Variants in SRGAP2 observed in about 807,000 individuals in gnomAD.
SRGAP2 encodes SLIT-ROBO Rho GTPase activating protein 2.
Under a neutral mutation model 57.2 loss-of-function variants are expected in SRGAP2, and 15 were observed. The ratio of observed to expected loss-of-function variants is 0.26; its 90% CI spans 0.18 to 0.40. The LOEUF (loss-of-function observed/expected upper bound fraction) is 0.40, where lower values mean the gene tolerates loss of function less well. Among genes scored for constraint, SRGAP2 ranks in the 10% least tolerant of loss-of-function variants. The pLI is 1.00. For synonymous variants in SRGAP2, 249 were observed against 248.0 expected (o/e 1.00, Z -0.04); for missense variants, 520 against 669.6 (o/e 0.78, Z 2.47).
rs1252299272 is a variant in SRGAP2 at position 206,245,127 on chromosome 1, T to C, written c.67+39090T>C. On this transcript the variant is annotated intron_variant, in intron 2 of 22. Transcript: ENST00000573034. ...GAGAAAATAATGTGACCAGCTGTTG[T>C]CAGCTTCTCTGTGGAAGTGGTAACC... 1.2e-4 allele frequency among the ~76,000 whole-genome samples: 16 copies of C among 134,564 alleles called. 1 individual carries two copies. The highest frequency in any genetic ancestry group is 4.4e-4 in the African/African-American group (16 of 36,176). The allele number at this position is 134,564 out of a possible 152,430, so 88.3% of individuals were successfully genotyped here. A position where few individuals can be genotyped will look rare whatever the true frequency, so the allele number is the denominator to read the frequency against.
At chr1:206,254,405 G>T (rs1473106060) in intron 2 of SRGAP2, among the ~76,000 whole-genome samples, 1 of 145,134 alleles carries the variant, frequency 6.9e-6, no homozygotes, top group Non-Finnish European at 1.5e-5. Flanking sequence ...AGAATAATGA[G>T]TTAGTGACTA....
intron 2 of SRGAP2, among the ~76,000 whole-genome samples, chr1:206,231,846 T>C (rs1221027584): frequency 1.3e-5 from 2 of 152,076 alleles, no homozygotes; most frequent in Non-Finnish European, 2.9e-5. Flanking sequence ...CCTCGTTTCC[T>C]AATTTTAAAA....
At chr1:206,433,455 A>G (rs1179398107) in intron 14 of SRGAP2, among the ~76,000 whole-genome samples, 3 of 152,136 alleles carry the variant, frequency 2.0e-5, no homozygotes, top group Non-Finnish European at 4.4e-5. Flanking sequence ...CCTGGCCAAC[A>G]TGGCGAAACC....
At chr1:206,423,313 T>C (rs577330842) in intron 13 of SRGAP2, among the ~76,000 whole-genome samples, 2 of 152,240 alleles carry the variant, frequency 1.3e-5, no homozygotes, top group Non-Finnish European at 2.9e-5. Flanking sequence ...GATGTCTCTC[T>C]ATATTCTTTC....
chr1:206,228,821 C>T (rs1316921117), intron 2 of SRGAP2, among the ~76,000 whole-genome samples: 2 of 138,244 alleles, frequency 1.4e-5, no homozygotes, highest in African/African-American at 6.6e-5. Context: ...ATTCCATCAG[C>T]GCTTTAAAAA....
chr1:206,326,430 A>G (rs1673888958), intron 3 of SRGAP2, among the ~76,000 whole-genome samples: 1 of 152,058 alleles, frequency 6.6e-6, no homozygotes, highest in Non-Finnish European at 1.5e-5. Flanking sequence ...GGGTTCATGG[A>G]CCCTTGGTAT....
intron 3 of SRGAP2, among the ~76,000 whole-genome samples, chr1:206,306,277 C>T (rs1289349556): frequency 1.6e-4 from 24 of 151,902 alleles, no homozygotes; most frequent in African/African-American, 5.1e-4. Flanking sequence ...CAGATGTGTT[C>T]GGAGTTTCTT....
chr1:206,289,599 T>C (rs1671203477), intron 2 of SRGAP2, among the ~76,000 whole-genome samples: 1 of 149,206 alleles, frequency 6.7e-6, no homozygotes, highest in African/African-American at 2.5e-5. Context: ...TTTTTTGGTG[T>C]TTTGTTTTGT....
chr1:206,294,819 CA>C (rs1278663477), intron 2 of SRGAP2, among the ~76,000 whole-genome samples: 1 of 151,890 alleles, frequency 6.6e-6, no homozygotes, highest in Non-Finnish European at 1.5e-5. Context: ...CATCATGACA[CA>C]AACATTTACC....
intron 2 of SRGAP2, among the ~76,000 whole-genome samples, chr1:206,253,937 GT>G (rs1329490725): frequency 7.1e-6 from 1 of 140,328 alleles, no homozygotes; most frequent in Non-Finnish European, 1.5e-5. Flanking sequence ...TGCAAAGGAA[GT>G]TCTATAGGTA....
chr1:206,314,053 T>A (rs1672867388), intron 3 of SRGAP2, among the ~76,000 whole-genome samples: 1 of 151,606 alleles, frequency 6.6e-6, no homozygotes. Context: ...GGGTGATTGA[T>A]AAATTAATGG....
chr1:206,306,904 A>G (rs1250381381), intron 3 of SRGAP2, among the ~76,000 whole-genome samples: 3 of 151,296 alleles, frequency 2.0e-5, no homozygotes, highest in Non-Finnish European at 2.9e-5. Flanking sequence ...AGCTAGACAT[A>G]AAGGTTCTCC....
chr1:206,242,414 CCT>C lies in SRGAP2; in HGVS notation c.67+36378_67+36379del, dbSNP rs1209286813. 1.8e-4 allele frequency among the ~76,000 whole-genome samples: 26 copies of C among 147,202 alleles called. No individual in the cohort carries two copies. In the East Asian group the frequency reaches 5.0e-3, roughly 28 times the overall value. Reference sequence around the variant, plus strand: ...AAAGTGTAGTCTCCCCCCGCCACCCCCTGTCTGCTTTTCTTTGTAGTTCTGTA... The same window carrying C: ...AAAGTGTAGTCTCCCCCCGCCACCCCGTCTGCTTTTCTTTGTAGTTCTGTA... On this transcript the variant is annotated intron_variant, in intron 2 of 22. Transcript: ENST00000573034.
rs530350291 is a variant in SRGAP2, at chr1:206,333,379, C to G, written c.261-9467C>G. Reference sequence around the variant, plus strand: ...AATCCAAGCATCCTTCTAAACTATCCTCAGTCTTGTCAACAGCTGTTATCT... The same window carrying G: ...AATCCAAGCATCCTTCTAAACTATCGTCAGTCTTGTCAACAGCTGTTATCT... On this transcript the variant is annotated intron_variant, in intron 3 of 22. Coordinates refer to ENST00000573034, the MANE Select transcript of SRGAP2 (RefSeq NM_015326.5). The G allele has an allele frequency of 4.3e-6, 6 of 1,409,158 alleles. No individual in the cohort carries two copies. The African/African-American group carries it at 4.3e-5, about 10-fold the overall frequency. 87.3% of individuals were successfully genotyped at this position (1,409,158 alleles called of 1,614,324 possible).
At chr1:206,325,316 G>A (rs1673797676) in intron 3 of SRGAP2, among the ~76,000 whole-genome samples, 1 of 152,018 alleles carries the variant, frequency 6.6e-6, no homozygotes, top group Non-Finnish European at 1.5e-5. Context: ...TTTGTGTGAT[G>A]TACTCTGAGA....
chr1:206,425,195 T>C (rs1553365890), intron 13 of SRGAP2, among the ~76,000 whole-genome samples: 2 of 152,210 alleles, frequency 1.3e-5, no homozygotes, highest in African/African-American at 4.8e-5. Flanking sequence ...ATGCAAACGC[T>C]CATATCACTA....
intron 7 of SRGAP2, among the ~76,000 whole-genome samples, chr1:206,396,190 T>A (rs138853674): frequency 0.084 from 12,657 of 150,376 alleles, 1,150 homozygotes; most frequent in African/African-American, 0.23. Flanking sequence ...TTCACTGTGT[T>A]AGCCAGGATG....
chr1:206,449,335 A>T (rs1169632215), intron 18 of SRGAP2, among the ~76,000 whole-genome samples: 1 of 136,196 alleles, frequency 7.3e-6, no homozygotes, highest in Admixed American at 8.0e-5. Flanking sequence ...TCTGTCACCC[A>T]GGCCAGAGTG....
At chr1:206,286,727 TGA>T (rs1671046104) in intron 2 of SRGAP2, among the ~76,000 whole-genome samples, 1 of 151,426 alleles carries the variant, frequency 6.6e-6, no homozygotes, top group African/African-American at 2.4e-5. Flanking sequence ...CTCAATGAAG[TGA>T]GAGAGCTAAC....
Sources: gnomAD v4.1 joint callset for allele counts (sites outside exome capture counted in the v4.1 genomes callset) on GRCh38, gnomAD v4.1.1 for gene constraint, MANE v1.5 for transcripts, NCBI Gene and HGNC (gene_info 2026-07-23, HGNC 2026-07-21) for gene names.